The following CNTLN variants were observed in gnomAD, a reference collection of about 807,000 sequenced individuals.
CNTLN encodes centlein.
CNTLN carries 212 observed loss-of-function variants against 180.0 expected under a neutral mutation model. The ratio of observed to expected loss-of-function variants is 1.18; its 90% CI spans 1.05 to 1.32. The LOEUF is 1.32. Among genes scored for constraint, CNTLN ranks in the 40% most tolerant of loss-of-function variants. The probability of loss-of-function intolerance (pLI) is 0.00; values close to 1 mark genes in which losing one functional copy is unlikely to be tolerated. For synonymous variants in CNTLN, 722 were observed against 563.1 expected, an observed-to-expected ratio of 1.28 and a Z score of -3.99; for missense variants, 2,095 against 1,610.9, an observed-to-expected ratio of 1.30 and a Z score of -5.14.
chr9:17,447,634 C>T (rs1830522492), intron 18 of CNTLN: 1 of 153,310 alleles, frequency 6.5e-6, no homozygotes, highest in Non-Finnish European at 1.5e-5. Context: ...GTGGTTTATT[C>T]AACTGAAGTT....
intron 12 of CNTLN, among the ~76,000 whole-genome samples, chr9:17,350,449 T>C (rs548536683): frequency 1.2e-4 from 18 of 152,250 alleles, no homozygotes; most frequent in Middle Eastern, 3.4e-3. Context: ...TCCTCATAGC[T>C]TAGCAGAGAA....
Position 17,275,784 on chromosome 9 carries a change from A to G in CNTLN, c.983+1918A>G, listed in dbSNP as rs77364920. Reference sequence around the variant, plus strand: ...CCTTGCATGCACTTTTTCTTATACAATAGTAAAAGAATAATAGCTAGTGGG... The same window carrying G: ...CCTTGCATGCACTTTTTCTTATACAGTAGTAAAAGAATAATAGCTAGTGGG... On this transcript the variant is annotated intron_variant, in intron 6 of 25. Transcript: ENST00000380647. Among the ~76,000 whole-genome samples the G allele has an allele frequency of 1.7e-4, 26 of 152,322 alleles. No individual in the cohort carries two copies. In the East Asian group the frequency reaches 5.0e-3, roughly 29 times the overall value.
intron 15 of CNTLN, among the ~76,000 whole-genome samples, chr9:17,401,388 T>C (rs76320640): frequency 6.6e-6 from 1 of 152,054 alleles, no homozygotes; most frequent in Non-Finnish European, 1.5e-5. Flanking sequence ...TTTTTTTTTT[T>C]AATGACGTGG....
chr9:17,340,468 C>T (rs900061654), intron 10 of CNTLN, among the ~76,000 whole-genome samples: 3 of 152,050 alleles, frequency 2.0e-5, no homozygotes, highest in Admixed American at 6.6e-5. Context: ...ATAAAATAAT[C>T]ATGGTTTATG....
intron 18 of CNTLN, among the ~76,000 whole-genome samples, chr9:17,451,719 A>T (rs566133991): frequency 6.6e-6 from 1 of 152,276 alleles, no homozygotes; most frequent in African/African-American, 2.4e-5. Context: ...ACCCTGATCC[A>T]GTGTCTCTGG....
At chr9:17,278,923 G>A (rs571330250) in intron 6 of CNTLN, among the ~76,000 whole-genome samples, 39 of 151,978 alleles carry the variant, frequency 2.6e-4, no homozygotes, top group South Asian at 6.2e-4. Flanking sequence ...TGTTCTTTTG[G>A]TAACTAATAA....
chr9:17,267,086 G>T (rs532354041), intron 5 of CNTLN, among the ~76,000 whole-genome samples: 9 of 152,252 alleles, frequency 5.9e-5, no homozygotes, highest in Middle Eastern at 3.4e-3. Context: ...TCATTATGAT[G>T]TTAGCTGGTT....
intron 25 of CNTLN, among the ~76,000 whole-genome samples, chr9:17,488,953 A>G (rs1564147667): frequency 6.6e-6 from 1 of 152,102 alleles, no homozygotes; most frequent in East Asian, 1.9e-4. Context: ...AGCTAATTTT[A>G]TTCCACTGTG....
intron 7 of CNTLN, chr9:17,298,998 C>A: frequency 1.1e-6 from 1 of 904,898 alleles, no homozygotes; most frequent in Non-Finnish European, 1.3e-6. Context: ...AATCCCAGCA[C>A]TTTGGGAGGC....
At chr9:17,343,410 GAGA>G (rs1047171132) in intron 12 of CNTLN, among the ~76,000 whole-genome samples, 5 of 152,136 alleles carry the variant, frequency 3.3e-5, no homozygotes, top group African/African-American at 7.2e-5. Context: ...AGCTGTAAAT[GAGA>G]AGCTTATTTT....
At chr9:17,192,534 G>A (rs914433912) in intron 2 of CNTLN, among the ~76,000 whole-genome samples, 15 of 150,102 alleles carry the variant, frequency 1.0e-4, no homozygotes, top group African/African-American at 3.4e-4. Context: ...ACCACGTCCC[G>A]CTGAGGTAGG....
At chr9:17,464,471 T>TTGA (rs752327926) in intron 20 of CNTLN, 26 bp from the exon 21 acceptor site, 1 of 1,534,816 alleles carries the variant, frequency 6.5e-7, no homozygotes, top group Admixed American at 2.5e-5. Context: ...TCTGTCACTC[T>TTGA]TGATGTCACC....
chr9:17,218,111 G>A (rs963597773), intron 2 of CNTLN, among the ~76,000 whole-genome samples: 3 of 152,010 alleles, frequency 2.0e-5, no homozygotes, highest in African/African-American at 4.8e-5. Flanking sequence ...TTTGTCGTTT[G>A]CCAACTTCTC....
chr9:17,298,158 A>T (rs766557361), intron 6 of CNTLN, 32 bp from the exon 7 acceptor site: 1 of 1,395,962 alleles, frequency 7.2e-7, no homozygotes, highest in South Asian at 2.0e-5. Flanking sequence ...CTTTATCCAT[A>T]CTTTTCTCTA....
Position 17,359,648 on chromosome 9 carries a change from G to T in CNTLN, c.1887-6969G>T, listed in dbSNP as rs1301091513. ...TGTAATCCCAGCACTTTGGGAGGCC[G>T]AGTCGGGTGGATCACGAGGTCCGGA... On this transcript the variant is annotated intron_variant, in intron 12 of 25. Transcript: ENST00000380647. 1.4e-5 allele frequency among the ~76,000 whole-genome samples: 2 copies of T among 147,360 alleles called. 1 individual carries two copies. The highest frequency in any genetic ancestry group is 1.4e-4 in the Admixed American group (2 of 14,470).
At chr9:17,179,401 A>T (rs1052515740) in intron 2 of CNTLN, among the ~76,000 whole-genome samples, 2 of 151,948 alleles carry the variant, frequency 1.3e-5, no homozygotes, top group Non-Finnish European at 2.9e-5. Flanking sequence ...ATTCAGTTCT[A>T]TGTATTTTTA....
intron 16 of CNTLN, among the ~76,000 whole-genome samples, chr9:17,412,629 T>A (rs1406352372): frequency 1.3e-5 from 2 of 152,202 alleles, no homozygotes; most frequent in African/African-American, 4.8e-5. Context: ...TTGTGTTAGA[T>A]GATTTTGCCC....
chr9:17,357,595 A>ATATAT (rs200873736), intron 12 of CNTLN, among the ~76,000 whole-genome samples: 6 of 84,374 alleles, frequency 7.1e-5, no homozygotes, highest in East Asian at 5.3e-4. Context: ...TATATATATA[A>ATATAT]ATACTACATA....
intron 18 of CNTLN, among the ~76,000 whole-genome samples, chr9:17,430,966 A>G (rs1427091825): frequency 2.0e-5 from 3 of 152,118 alleles, no homozygotes; most frequent in Non-Finnish European, 4.4e-5. Flanking sequence ...TTGGATAACT[A>G]GATTGATTCC....
Sources: gnomAD v4.1 joint callset for allele counts (sites outside exome capture counted in the v4.1 genomes callset) on GRCh38, gnomAD v4.1.1 for gene constraint, MANE v1.5 for transcripts, NCBI Gene and HGNC (gene_info 2026-07-23, HGNC 2026-07-21) for gene names.